The following MYO5B variants were observed in gnomAD, a reference collection of about 807,000 sequenced individuals.
MYO5B encodes myosin VB.
In MYO5B, 143 loss-of-function variants were observed where a neutral mutation model predicts 229.3. That is an observed-to-expected ratio of 0.62 (90% confidence interval 0.54 to 0.72). The LOEUF is 0.72. Ranked by LOEUF, MYO5B falls within the 30% of genes least tolerant of loss-of-function variation. The probability of loss-of-function intolerance (pLI) is 0.00; values close to 1 mark genes in which losing one functional copy is unlikely to be tolerated. For synonymous variants in MYO5B, 918 were observed against 885.2 expected (o/e 1.04, Z -0.66); for missense variants, 2,321 against 2,331.0 (o/e 1.00, Z 0.09).
At chr18:49,939,133 C>T (rs1598897213) in intron 14 of MYO5B, among the ~76,000 whole-genome samples, 2 of 149,144 alleles carry the variant, frequency 1.3e-5, no homozygotes, top group South Asian at 4.2e-4. Flanking sequence ...TACATTAACA[C>T]TCTTTCTTTT....
At chr18:49,894,829 AG>A in intron 22 of MYO5B, 111 bp downstream of exon 22, 1 of 912,076 alleles carries the variant, frequency 1.1e-6, no homozygotes, top group South Asian at 1.4e-5. Context: ...TGTGCACATG[AG>A]CCCAAGACCA....
chr18:50,160,201 G>A (rs1238157761), intron 1 of MYO5B, among the ~76,000 whole-genome samples: 4 of 152,252 alleles, frequency 2.6e-5, no homozygotes, highest in East Asian at 1.9e-4. Flanking sequence ...TGACCCTAAC[G>A]TAGGGTCAGT....
chr18:50,187,559 C>G (rs2033165683), intron 1 of MYO5B, among the ~76,000 whole-genome samples: 1 of 152,098 alleles, frequency 6.6e-6, no homozygotes, highest in Non-Finnish European at 1.5e-5. Context: ...CTCTGTCACC[C>G]AGCCTGGAGT....
intron 1 of MYO5B, among the ~76,000 whole-genome samples, chr18:50,178,508 C>A (rs1341520917): frequency 1.3e-5 from 2 of 152,170 alleles, no homozygotes; most frequent in African/African-American, 4.8e-5. Context: ...AACTGACCCC[C>A]TAGCAAAACA....
intron 9 of MYO5B, among the ~76,000 whole-genome samples, chr18:49,975,182 C>T (rs73959800): frequency 3.9e-4 from 59 of 152,348 alleles, no homozygotes; most frequent in African/African-American, 1.0e-3. Context: ...GCCTTTGACC[C>T]GACCCATCTA....
At chr18:50,108,158 C>G (rs60753795) in intron 1 of MYO5B, among the ~76,000 whole-genome samples, 1 of 152,050 alleles carries the variant, frequency 6.6e-6, no homozygotes, top group African/African-American at 2.4e-5. Context: ...TCTGCCTACC[C>G]TGGCCTCCCA....
intron 4 of MYO5B, among the ~76,000 whole-genome samples, chr18:50,024,060 ATC>A (rs1419037255): frequency 1.3e-5 from 2 of 152,314 alleles, no homozygotes; most frequent in South Asian, 2.1e-4. Context: ...AGGAAGAAAA[ATC>A]TCTGCTTTAG....
intron 17 of MYO5B, among the ~76,000 whole-genome samples, chr18:49,921,934 G>A (rs1280864293): frequency 6.6e-6 from 1 of 152,216 alleles, no homozygotes; most frequent in African/African-American, 2.4e-5. Context: ...CTTAATCAAA[G>A]AGGGCCATTG....
At chr18:50,165,645 G>A (rs557713089) in intron 1 of MYO5B, among the ~76,000 whole-genome samples, 7 of 152,208 alleles carry the variant, frequency 4.6e-5, no homozygotes, top group Non-Finnish European at 7.4e-5. Context: ...GCATGGTGAC[G>A]TGCACCTGTA....
chr18:49,923,061 A>T (rs952569328), intron 17 of MYO5B, among the ~76,000 whole-genome samples: 6 of 152,200 alleles, frequency 3.9e-5, no homozygotes, highest in Non-Finnish European at 8.8e-5. Context: ...AGCATGCTAC[A>T]ACTAGGGGAG....
chr18:49,893,891 C>T (rs2024746639), intron 22 of MYO5B, among the ~76,000 whole-genome samples: 1 of 152,222 alleles, frequency 6.6e-6, no homozygotes, highest in Admixed American at 6.5e-5. Flanking sequence ...AGAAGGACTC[C>T]CACGTAGGGC....
At chr18:50,143,384 G>A (rs1294340616) in intron 1 of MYO5B, among the ~76,000 whole-genome samples, 4 of 152,204 alleles carry the variant, frequency 2.6e-5, no homozygotes, top group African/African-American at 9.6e-5. Flanking sequence ...GCAGGACCCA[G>A]GAGGCCCCCC....
intron 1 of MYO5B, among the ~76,000 whole-genome samples, chr18:50,122,760 A>T (rs1380740002): frequency 6.6e-6 from 1 of 152,098 alleles, no homozygotes; most frequent in Non-Finnish European, 1.5e-5. Context: ...AAACCACAAT[A>T]AGACACCATT....
At chr18:49,980,011 A>C (rs924804551) in intron 9 of MYO5B, among the ~76,000 whole-genome samples, 6 of 152,200 alleles carry the variant, frequency 3.9e-5, no homozygotes, top group African/African-American at 1.4e-4. Flanking sequence ...GTGCTGTCAG[A>C]ATCTTGGCAA....
At chr18:50,005,948 T>C (rs1180503661) in intron 4 of MYO5B, among the ~76,000 whole-genome samples, 2 of 152,222 alleles carry the variant, frequency 1.3e-5, no homozygotes, top group Non-Finnish European at 2.9e-5. Flanking sequence ...AAGTCCCCCA[T>C]TACTTGCTTT....
intron 17 of MYO5B, among the ~76,000 whole-genome samples, chr18:49,919,358 A>C (rs1431719267): frequency 2.6e-5 from 4 of 151,802 alleles, no homozygotes; most frequent in Non-Finnish European, 5.9e-5. Flanking sequence ...GCTTCAAAGA[A>C]CACTACTAAG....
intron 2 of MYO5B, among the ~76,000 whole-genome samples, chr18:50,041,998 T>G (rs905163338): frequency 3.3e-5 from 5 of 152,148 alleles, no homozygotes; most frequent in African/African-American, 4.8e-5. Flanking sequence ...GAAAAACTAT[T>G]CAACTTCATC....
At chr18:49,855,378 A>G (rs995737063) in intron 30 of MYO5B, among the ~76,000 whole-genome samples, 2 of 152,180 alleles carry the variant, frequency 1.3e-5, no homozygotes, top group Middle Eastern at 3.2e-3. Flanking sequence ...GATTCTAGAA[A>G]CCAGGACTCT....
At chr18:50,053,014 G>A (rs1002173178) in intron 2 of MYO5B, among the ~76,000 whole-genome samples, 1 of 152,180 alleles carries the variant, frequency 6.6e-6, no homozygotes, top group Non-Finnish European at 1.5e-5. Context: ...AGAGGCTGCT[G>A]GGGCAGATTT....
Sources: allele counts gnomAD v4.1 joint callset (sites outside exome capture counted in the v4.1 genomes callset), GRCh38; gene constraint gnomAD v4.1.1; transcripts MANE v1.5; gene names NCBI Gene and HGNC (gene_info 2026-07-23, HGNC 2026-07-21).